The following SAMD12 variants were observed in gnomAD, a reference collection of about 807,000 sequenced individuals.
SAMD12 encodes sterile alpha motif domain containing 12.
Under a neutral mutation model 15.0 loss-of-function variants are expected in SAMD12, and 9 were observed. That is an observed-to-expected ratio of 0.60 (90% CI 0.36 to 1.05). The LOEUF (loss-of-function observed/expected upper bound fraction) is 1.05. Among genes scored for constraint, SAMD12 ranks in the 50% least tolerant of loss-of-function variants. The pLI, the probability that SAMD12 is intolerant of heterozygous loss-of-function variation, is 0.01. For missense variants in SAMD12, 230 were observed against 234.2 expected, an observed-to-expected ratio of 0.98 and a Z score of 0.12; for synonymous variants, 86 against 90.1, an observed-to-expected ratio of 0.96 and a Z score of 0.25.
intron 1 of SAMD12, among the ~76,000 whole-genome samples, chr8:118,619,827 C>T (rs1227822318): frequency 6.6e-6 from 1 of 152,022 alleles, no homozygotes; most frequent in African/African-American, 2.4e-5. Flanking sequence ...GACAGTTTCC[C>T]AGAGGAAGTG....
At chr8:118,467,152 T>G (rs1823618266) in intron 2 of SAMD12, among the ~76,000 whole-genome samples, 1 of 152,228 alleles carries the variant, frequency 6.6e-6, no homozygotes, top group Non-Finnish European at 1.5e-5. Context: ...TTCTGCCTCC[T>G]GCCTGAACTT....
At chr8:118,299,125 G>C (rs1047959809) in intron 4 of SAMD12, among the ~76,000 whole-genome samples, 1 of 152,142 alleles carries the variant, frequency 6.6e-6, no homozygotes, top group African/African-American at 2.4e-5. Context: ...TAATGCATTT[G>C]CATAACAGAA....
chr8:118,296,647 C>T (rs1374269067), intron 4 of SAMD12, among the ~76,000 whole-genome samples: 1 of 152,220 alleles, frequency 6.6e-6, no homozygotes, highest in Non-Finnish European at 1.5e-5. Context: ...CAGCTATTTG[C>T]TGACACAGCC....
At chr8:118,586,387 G>T in intron 1 of SAMD12, among the ~76,000 whole-genome samples, 1 of 147,474 alleles carries the variant, frequency 6.8e-6, no homozygotes, top group African/African-American at 2.5e-5. Context: ...CTGTTGCCCA[G>T]GCCGGAGTGC....
At chr8:118,446,755 C>T (rs1822927343) in intron 2 of SAMD12, among the ~76,000 whole-genome samples, 2 of 152,108 alleles carry the variant, frequency 1.3e-5, no homozygotes, top group African/African-American at 4.8e-5. Context: ...AATCTCACTG[C>T]CCACTGTACT....
intron 2 of SAMD12, among the ~76,000 whole-genome samples, chr8:118,534,992 C>T (rs1371306138): frequency 1.3e-5 from 2 of 152,190 alleles, no homozygotes; most frequent in Non-Finnish European, 2.9e-5. Context: ...CCACTGCTGG[C>T]GAGGAGCTGC....
At chr8:118,316,087 C>T (rs1179017452) in intron 4 of SAMD12, among the ~76,000 whole-genome samples, 1 of 152,124 alleles carries the variant, frequency 6.6e-6, no homozygotes, top group Admixed American at 6.6e-5. Flanking sequence ...AACTCTCTCA[C>T]ATGCTGTTCG....
intron 4 of SAMD12, among the ~76,000 whole-genome samples, chr8:118,358,187 C>G (rs1452481392): frequency 1.3e-5 from 2 of 152,104 alleles, no homozygotes; most frequent in Non-Finnish European, 2.9e-5. Flanking sequence ...TGTTTCAGAG[C>G]TTAGTATGTG....
intron 3 of SAMD12, among the ~76,000 whole-genome samples, chr8:118,412,376 AATGAG>A (rs1359858767): frequency 6.6e-6 from 1 of 152,166 alleles, no homozygotes; most frequent in Non-Finnish European, 1.5e-5. Flanking sequence ...TTGATACAGT[AATGAG>A]ATGAGTCTTG....
intron 1 of SAMD12, among the ~76,000 whole-genome samples, chr8:118,614,273 A>G (rs1828182813): frequency 6.6e-6 from 1 of 152,178 alleles, no homozygotes; most frequent in Non-Finnish European, 1.5e-5. Context: ...AGCTTCCCTT[A>G]TACTAATTTA....
chr8:118,552,457 G>A (rs1826368314), intron 2 of SAMD12, among the ~76,000 whole-genome samples: 1 of 152,088 alleles, frequency 6.6e-6, no homozygotes, highest in African/African-American at 2.4e-5. Context: ...TGCAGAAAAG[G>A]CCTTTGACAA....
intron 2 of SAMD12, among the ~76,000 whole-genome samples, chr8:118,453,640 C>T (rs1489159866): frequency 2.6e-5 from 4 of 152,178 alleles, no homozygotes; most frequent in African/African-American, 7.2e-5. Context: ...CCTATCTCAG[C>T]CCCACAAGCA....
chr8:118,600,080 AGT>A (rs898204391), intron 1 of SAMD12, among the ~76,000 whole-genome samples: 1 of 152,174 alleles, frequency 6.6e-6, no homozygotes, highest in Non-Finnish European at 1.5e-5. Context: ...AAGAAAATCT[AGT>A]CTCTCATAAT....
downstream of SAMD12, among the ~76,000 whole-genome samples, chr8:118,188,075 G>C (rs1232295046): frequency 1.3e-5 from 2 of 151,938 alleles, no homozygotes; most frequent in African/African-American, 4.8e-5. Context: ...GAGAGAAAGA[G>C]AGAGATGGGA....
At position 118,489,527 on chromosome 8, in the gene SAMD12, C is replaced by A. The variant is rs535566373; in HGVS notation, c.193-49566G>T. On this transcript the variant is annotated intron_variant, in intron 2 of 3. Coordinates refer to ENST00000314727, the MANE Select transcript of SAMD12 (RefSeq NM_207506.3). ...TCCTCCTAAGTTTCCTCTAAACAAA[C>A]TCAAATAGATAAGCTTCTTCCCCCC... is the stretch of plus-strand genomic sequence containing the variant. Among the ~76,000 whole-genome samples, 3 of 152,202 alleles carry A rather than the reference C, an allele frequency of 2.0e-5. No homozygotes were observed. In the East Asian group the frequency reaches 5.8e-4, roughly 29 times the overall value.
At chr8:118,283,948 T>A (rs558294069) in intron 4 of SAMD12, among the ~76,000 whole-genome samples, 2 of 152,182 alleles carry the variant, frequency 1.3e-5, no homozygotes, top group Non-Finnish European at 2.9e-5. Context: ...TTCTGGTATA[T>A]AGAAGTCCTC....
At chr8:118,395,893 G>A (rs1027353987) in intron 3 of SAMD12, among the ~76,000 whole-genome samples, 2 of 149,928 alleles carry the variant, frequency 1.3e-5, no homozygotes, top group African/African-American at 5.0e-5. Flanking sequence ...AGGAGGCGGA[G>A]CTTGCAGTGA....
At chr8:118,186,930 C>T (rs1037123682), downstream of SAMD12, among the ~76,000 whole-genome samples, 4 of 152,062 alleles carry the variant, frequency 2.6e-5, no homozygotes, top group Non-Finnish European at 5.9e-5. Context: ...TAACTCATAC[C>T]CACATCTCCA....
chr8:118,435,844 T>C (rs933367460), intron 3 of SAMD12, among the ~76,000 whole-genome samples: 3 of 152,204 alleles, frequency 2.0e-5, no homozygotes, highest in African/African-American at 7.2e-5. Flanking sequence ...ATGAGGAAAC[T>C]GGCAAGATGT....
Sources: allele counts gnomAD v4.1 joint callset (sites outside exome capture counted in the v4.1 genomes callset), GRCh38; gene constraint gnomAD v4.1.1; transcripts MANE v1.5; gene names NCBI Gene and HGNC (gene_info 2026-07-23, HGNC 2026-07-21).